The following MDN1 variants were observed in gnomAD, a reference collection of about 807,000 sequenced individuals.
The protein encoded by MDN1 is midasin AAA ATPase 1.
MDN1 carries 266 observed loss-of-function variants against 669.2 expected under a neutral mutation model. The observed-to-expected ratio is 0.40, with a 90% CI of 0.36 to 0.44. The LOEUF (loss-of-function observed/expected upper bound fraction) is 0.44. Ranked by LOEUF, MDN1 falls within the 20% of genes least tolerant of loss-of-function variation. The probability of loss-of-function intolerance (pLI) is 1.00; values close to 1 mark genes in which losing one functional copy is unlikely to be tolerated. For missense variants in MDN1, 5,940 were observed against 6,754.0 expected (o/e 0.88, Z 4.22); for synonymous variants, 2,385 against 2,457.1 (o/e 0.97, Z 0.87).
At chr6:89,755,602 C>T (rs190291837) in intron 20 of MDN1, among the ~76,000 whole-genome samples, 230 of 152,246 alleles carry the variant, frequency 1.5e-3, no homozygotes, top group African/African-American at 5.3e-3. Context: ...AAAAAATACA[C>T]AAACACACAG....
chr6:89,758,135 G>A (rs1050045248), intron 19 of MDN1, 120 bp downstream of exon 19: 2 of 716,776 alleles, frequency 2.8e-6, no homozygotes, highest in African/African-American at 3.6e-5. Context: ...GTGGGAGGTG[G>A]GAGGACTGCT....
At chr6:89,745,134 T>TTAAAAAAAAAA in intron 29 of MDN1, 139 bp downstream of exon 29, 3 of 282,344 alleles carry the variant, frequency 1.1e-5, no homozygotes, top group Admixed American at 1.3e-4. Flanking sequence ...AGTCTCTTCT[T>TTAAAAAAAAAA]AAAAAAAAAA....
At chr6:89,809,953 T>C (rs1331398674) in intron 1 of MDN1, among the ~76,000 whole-genome samples, 1 of 118,058 alleles carries the variant, frequency 8.5e-6, no homozygotes, top group Non-Finnish European at 1.6e-5. Context: ...ATTGTACCAC[T>C]ATACCCCAGC....
In MDN1 at chr6:89,751,581, G is replaced by C; in HGVS notation, c.3077C>G (p.Pro1026Arg). 1.9e-6 allele frequency: 3 copies of C among 1,613,180 alleles called. No individual in the cohort carries two copies. Among genetic ancestry groups the C allele is most frequent in the Admixed American group, 1.7e-5 (1 of 59,844 alleles). The change falls in exon 23 of 102, where the codon CCT (proline) becomes CGT (arginine). Residue 1026 changes from proline to arginine, a missense_variant and splice_region_variant. Pro to Arg is a moderately radical substitution (Grantham distance 103). Coordinates refer to ENST00000369393, the MANE Select transcript of MDN1 (RefSeq NM_014611.3). ...CCGACCTCCTTTTGGCTCTGGAATA[G>C]GCTGAAAGACACAGAAGTTCAAGGA... is the stretch of plus-strand genomic sequence containing the variant. ...PGNVKSLLKQ[P>R]IPEPKGGRLI...
chr6:89,762,217 G>C, intron 16 of MDN1, 102 bp downstream of exon 16: 1 of 993,566 alleles, frequency 1.0e-6, no homozygotes, highest in South Asian at 1.6e-5. Flanking sequence ...CAAAGTCCTA[G>C]AAAGCTCCAA....
At chr6:89,707,791 G>C (rs1004420026) in intron 51 of MDN1, among the ~76,000 whole-genome samples, 29 of 152,210 alleles carry the variant, frequency 1.9e-4, no homozygotes, top group African/African-American at 7.0e-4. Context: ...CAGAGGAGTA[G>C]GGGGCTGGTA....
intron 8 of MDN1, among the ~76,000 whole-genome samples, chr6:89,787,172 G>T (rs1304479153): frequency 6.6e-6 from 1 of 152,068 alleles, no homozygotes; most frequent in Non-Finnish European, 1.5e-5. Flanking sequence ...GTTAACTGAG[G>T]TAAACACTAA....
intron 22 of MDN1, 24 bp downstream of exon 22, chr6:89,753,488 G>C: frequency 6.5e-7 from 1 of 1,548,442 alleles, no homozygotes. Flanking sequence ...AGTGTAACAA[G>C]TCAAAAATAA....
At chr6:89,661,003 C>T (rs1260899680) in intron 88 of MDN1, among the ~76,000 whole-genome samples, 2 of 152,184 alleles carry the variant, frequency 1.3e-5, no homozygotes, top group African/African-American at 4.8e-5. Context: ...TATTTAGTCT[C>T]ATTCCTCACT....
chr6:89,647,013 C>T (rs929682033), intron 99 of MDN1, among the ~76,000 whole-genome samples: 3 of 152,158 alleles, frequency 2.0e-5, no homozygotes, highest in African/African-American at 4.8e-5. Context: ...TTTTGAACAC[C>T]TGGCCTCAAG....
chr6:89,803,577 T>C, intron 1 of MDN1, 23 bp from the exon 2 acceptor site: 7 of 1,435,418 alleles, frequency 4.9e-6, no homozygotes, highest in South Asian at 2.4e-5. Context: ...AAACAAAACA[T>C]CTTTCACTTT....
At chr6:89,717,749 C>A (rs1814492405) in intron 43 of MDN1, among the ~76,000 whole-genome samples, 1 of 152,060 alleles carries the variant, frequency 6.6e-6, no homozygotes, top group African/African-American at 2.4e-5. Flanking sequence ...TGTTTGCTGG[C>A]CAAGAAGTGG....
At chr6:89,682,062 T>C (rs1811645905) in intron 73 of MDN1, among the ~76,000 whole-genome samples, 1 of 152,216 alleles carries the variant, frequency 6.6e-6, no homozygotes, top group African/African-American at 2.4e-5. Context: ...GATGTATCAC[T>C]GTTAAATTTT....
chr6:89,764,822 T>G, intron 15 of MDN1, among the ~76,000 whole-genome samples: 1 of 152,198 alleles, frequency 6.6e-6, no homozygotes, highest in East Asian at 1.9e-4. Flanking sequence ...ACTGTCAGAT[T>G]ATGAAGGGCT....
At chr6:89,798,205 A>C (rs1324236135) in intron 2 of MDN1, among the ~76,000 whole-genome samples, 1 of 146,242 alleles carries the variant, frequency 6.8e-6, no homozygotes, top group Non-Finnish European at 1.5e-5. Context: ...AAAAAAAAGA[A>C]AGAAAGTCAA....
In MDN1 at chr6:89,762,505, T is replaced by C; in HGVS notation, c.2170A>G (p.Ile724Val). The change falls in exon 16 of 102, where the codon ATT becomes GTT. Residue 724 changes from isoleucine to valine, a missense_variant. Ile to Val is a conservative substitution (Grantham distance 29). This residue lies in a region of MDN1 where 1,203 missense variants were observed against 1,268.9 expected (regional missense o/e 0.95). Coordinates refer to ENST00000369393, the MANE Select transcript of MDN1 (RefSeq NM_014611.3). The part of the protein sequence containing the change: ...GGYKPVDHKL[I>V]WLPLREAFEE... Reference sequence around the variant, plus strand: ...AATGCCTCCCGTAAGGGTAGCCAAATAAGCTTATGGTCCACCGGTTTATAA... The same window carrying C: ...AATGCCTCCCGTAAGGGTAGCCAAACAAGCTTATGGTCCACCGGTTTATAA... The C allele has an allele frequency of 6.2e-7, 1 of 1,613,766 alleles. No individual in the cohort carries two copies. Among genetic ancestry groups the C allele is most frequent in the African/African-American group, 1.3e-5 (1 of 75,016 alleles).
Position 89,732,628 on chromosome 6 carries a change from G to A in MDN1, c.4871C>T (p.Pro1624Leu). The A allele has an allele frequency of 6.2e-7, 1 of 1,613,996 alleles. No homozygotes were observed. The highest frequency in any genetic ancestry group is 8.5e-7 in the Non-Finnish European group (1 of 1,180,012). ...AGATGTCACAGTGGAGATGATCTCT[G>A]GCCTTTTCAAAGCAGCTTCCTCCCC... is the stretch of plus-strand genomic sequence containing the variant. Reference protein sequence around the residue: ...KMGEEAALKRPEIISTVTSFV... With the variant: ...KMGEEAALKRLEIISTVTSFV... The change falls in exon 34 of 102, where the codon CCA becomes CTA. Residue 1624 changes from proline (P) to leucine (L), a missense_variant. Coordinates refer to ENST00000369393, the MANE Select transcript of MDN1 (RefSeq NM_014611.3).
rs957711666 is a variant in MDN1 at position 89,703,043 on chromosome 6, T to C, written c.8149-982A>G. Among the ~76,000 whole-genome samples the C allele has an allele frequency of 3.3e-5, 5 of 151,854 alleles. No individual in the cohort carries two copies. The South Asian group carries it at 6.2e-4, about 19-fold the overall frequency. ...CTCCGCTTCCCAGGTTCAAGTGATC[T>C]CCTGCCTCAGCCTCCTGAGTAGCTG... On this transcript the variant is annotated intron_variant, in intron 53 of 101. Coordinates refer to ENST00000369393, the MANE Select transcript of MDN1 (RefSeq NM_014611.3).
chr6:89,764,997 G>A (rs759524129), intron 15 of MDN1, among the ~76,000 whole-genome samples: 3 of 152,122 alleles, frequency 2.0e-5, no homozygotes, highest in Admixed American at 6.5e-5. Flanking sequence ...GGTGGCTCAC[G>A]CGGTGGCCCA....
Sources: gnomAD v4.1 joint callset for allele counts (sites outside exome capture counted in the v4.1 genomes callset) on GRCh38, gnomAD v4.1.1 for gene constraint, gnomAD v4.1.1 regional missense constraint, MANE v1.5 for transcripts, NCBI Gene and HGNC (gene_info 2026-07-23, HGNC 2026-07-21) for gene names.